The following C8A variants were observed in gnomAD, a reference collection of about 807,000 sequenced individuals.
The protein encoded by C8A is complement C8 alpha chain, also known as complement component C8 alpha chain.
Under a neutral mutation model 65.3 loss-of-function variants are expected in C8A, and 67 were observed. That is an observed-to-expected ratio of 1.03 (90% CI 0.84 to 1.26). C8A has a LOEUF of 1.26. Ranked by LOEUF, C8A falls within the 50% of genes most tolerant of loss-of-function variation. The pLI is 0.00. For synonymous variants in C8A, 290 were observed against 259.4 expected, an observed-to-expected ratio of 1.12 and a Z score of -1.13; for missense variants, 781 against 723.9, an observed-to-expected ratio of 1.08 and a Z score of -0.90.
chr1:56,862,599 ACT>A (rs1000823014), intron 1 of C8A, among the ~76,000 whole-genome samples: 6 of 152,044 alleles, frequency 3.9e-5, no homozygotes, highest in African/African-American at 1.4e-4. Context: ...ATTTTGAGAA[ACT>A]CTGCAATAGC....
chr1:56,911,070 T>TG (rs1553177916), intron 9 of C8A, among the ~76,000 whole-genome samples: 2 of 151,638 alleles, frequency 1.3e-5, no homozygotes, highest in African/African-American at 2.4e-5. Flanking sequence ...CATGGGTTTT[T>TG]TTTTTTTTTT....
intron 7 of C8A, among the ~76,000 whole-genome samples, chr1:56,897,844 C>T (rs1160184545): frequency 2.0e-5 from 3 of 152,082 alleles, no homozygotes; most frequent in Non-Finnish European, 4.4e-5. Context: ...CACTGAGCAC[C>T]CGTGATTTCT....
intron 2 of C8A, among the ~76,000 whole-genome samples, chr1:56,869,554 T>C (rs1238195725): frequency 6.6e-6 from 1 of 152,230 alleles, no homozygotes. Flanking sequence ...GATTGCTAGA[T>C]TGAATGGTAG....
chr1:56,884,744 C>G (rs867745710), intron 6 of C8A, among the ~76,000 whole-genome samples: 47 of 152,118 alleles, frequency 3.1e-4, no homozygotes, highest in South Asian at 2.1e-4. Flanking sequence ...CAAAATTCTT[C>G]CAGTGCTATC....
In C8A at chr1:56,898,275, C is replaced by G. The variant is rs1557711386; in HGVS notation, c.1097-8392C>G. ...CAGTGGCTAGAGTCAGTGTTGACCT[C>G]TCAGAAACCACAGAGAGGATGGCAA... On this transcript the variant is annotated intron_variant, in intron 7 of 10. Transcript: ENST00000361249. Among the ~76,000 whole-genome samples, 3 of 152,184 alleles carry G rather than the reference C, an allele frequency of 2.0e-5. No homozygotes were observed. The East Asian group carries it at 5.8e-4, about 30-fold the overall frequency.
intron 2 of C8A, among the ~76,000 whole-genome samples, chr1:56,874,542 G>A (rs905049515): frequency 2.0e-5 from 3 of 152,194 alleles, no homozygotes; most frequent in African/African-American, 7.2e-5. Flanking sequence ...TCTGGTGGGA[G>A]AGATGGAGAA....
chr1:56,883,777 C>A (rs1409756523), intron 6 of C8A, 96 bp downstream of exon 6: 4 of 1,075,434 alleles, frequency 3.7e-6, no homozygotes, highest in Admixed American at 2.1e-5. Context: ...AGTAATTGAA[C>A]CTTAATTTGC....
At chr1:56,910,567 A>G (rs1300794902) in intron 9 of C8A, among the ~76,000 whole-genome samples, 1 of 152,222 alleles carries the variant, frequency 6.6e-6, no homozygotes, top group Non-Finnish European at 1.5e-5. Context: ...TTTCCCTGGA[A>G]CTAACAGTCA....
intron 2 of C8A, among the ~76,000 whole-genome samples, chr1:56,870,367 G>T (rs57210737): frequency 0.15 from 23,043 of 151,894 alleles, 2,180 homozygotes; most frequent in East Asian, 0.35. Flanking sequence ...TCCAGCTTTT[G>T]GTGGCATTGA....
chr1:56,884,448 A>G (rs938226090), intron 6 of C8A, among the ~76,000 whole-genome samples: 3 of 152,202 alleles, frequency 2.0e-5, no homozygotes, highest in African/African-American at 7.2e-5. Flanking sequence ...ATTAATACCA[A>G]GACTATGGAT....
chr1:56,901,742 C>A (rs952886211), intron 7 of C8A, among the ~76,000 whole-genome samples: 7 of 152,092 alleles, frequency 4.6e-5, no homozygotes, highest in African/African-American at 7.2e-5. Flanking sequence ...CCTCATCTCC[C>A]ATTATACTCC....
At chr1:56,864,982 T>C (rs1308549049) in intron 1 of C8A, among the ~76,000 whole-genome samples, 1 of 152,168 alleles carries the variant, frequency 6.6e-6, no homozygotes, top group Non-Finnish European at 1.5e-5. Context: ...GCAGTGGCAC[T>C]AATCTCATAG....
At position 56,867,633 on chromosome 1, in the gene C8A, C is replaced by A. The variant is rs142045980; in HGVS notation, c.102C>A (p.Pro34=). 3 of 1,613,750 alleles carry A rather than the reference C, an allele frequency of 1.9e-6. No individual in the cohort carries two copies. Among genetic ancestry groups the A allele is most frequent in the Non-Finnish European group, 2.5e-6 (3 of 1,179,792 alleles). The change falls in exon 2 of 11, where the codon CCC becomes CCA. Residue 34 remains proline (P), a synonymous_variant. Coordinates refer to ENST00000361249, the MANE Select transcript of C8A (RefSeq NM_000562.3). ...GGAGAGTAAGACGGGCAGCTACACC[C>A]GCAGCAGTTACCTGCCAGCTGAGCA... ...VNQRVRRAAT[P]AAVTCQLSNW...
intron 2 of C8A, among the ~76,000 whole-genome samples, chr1:56,871,863 T>C (rs890789764): frequency 7.9e-5 from 12 of 152,170 alleles, no homozygotes; most frequent in Non-Finnish European, 1.8e-4. Context: ...GTACCTACTG[T>C]GTCTGATTTC....
At chr1:56,884,066 C>A (rs1253822680) in intron 6 of C8A, among the ~76,000 whole-genome samples, 3 of 132,924 alleles carry the variant, frequency 2.3e-5, no homozygotes, top group South Asian at 4.5e-4. Context: ...GACTGGTATG[C>A]TAAAAAAAAA....
rs12096044 is a variant in C8A at position 56,913,197 on chromosome 1, G to A, written c.1603+572G>A. Among the ~76,000 whole-genome samples, 671 of 152,184 alleles carry A rather than the reference G, an allele frequency of 4.4e-3. 3 individuals carry two copies. Among genetic ancestry groups the A allele is most frequent in the African/African-American group, 0.015 (639 of 41,490 alleles). ...AAGAACCACCAGTCACTGGGTTTGA[G>A]ACCACCCTAATCCAGCATGACCTCA... On this transcript the variant is annotated intron_variant, in intron 10 of 10. Transcript: ENST00000361249.
At chr1:56,872,293 T>C (rs1644153497) in intron 2 of C8A, among the ~76,000 whole-genome samples, 1 of 152,210 alleles carries the variant, frequency 6.6e-6, no homozygotes, top group Non-Finnish European at 1.5e-5. Flanking sequence ...TCGTCTGAGT[T>C]GGAGAGCACT....
rs530776774 is a variant in C8A at position 56,917,690 on chromosome 1, C to A, written c.1729C>A (p.Arg577=). 1.9e-6 allele frequency: 3 copies of A among 1,614,150 alleles called. No individual in the cohort carries two copies. Among genetic ancestry groups the A allele is most frequent in the Admixed American group, 1.7e-5 (1 of 60,022 alleles). ...PQNGGASCPG[R]KVQTQAC Reference sequence around the variant, plus strand: ...GAATGGAGGGGCCTCGTGTCCAGGGCGGAAAGTACAGACGCAGGCTTGCTG... The same window carrying A: ...GAATGGAGGGGCCTCGTGTCCAGGGAGGAAAGTACAGACGCAGGCTTGCTG... Residue 577 remains arginine, a synonymous_variant, in exon 11 of 11, where the codon CGG becomes AGG. Coordinates refer to ENST00000361249, the MANE Select transcript of C8A (RefSeq NM_000562.3).
Position 56,860,761 on chromosome 1 carries a change from G to A in C8A, c.77+5783G>A, listed in dbSNP as rs76468426. Reference sequence around the variant, plus strand: ...TAAATGTAGGAACATTTGCACAGATGGTGTATGAAGCCAAGGACGTGGATC... The same window carrying A: ...TAAATGTAGGAACATTTGCACAGATAGTGTATGAAGCCAAGGACGTGGATC... On this transcript the variant is annotated intron_variant, in intron 1 of 10. Coordinates refer to ENST00000361249, the MANE Select transcript of C8A (RefSeq NM_000562.3). Among the ~76,000 whole-genome samples, 1,464 of 152,268 alleles carry A rather than the reference G, an allele frequency of 9.6e-3. 28 individuals carry two copies. Among genetic ancestry groups the A allele is most frequent in the South Asian group, 0.056 (270 of 4,818 alleles).
Sources: allele counts gnomAD v4.1 joint callset (sites outside exome capture counted in the v4.1 genomes callset), GRCh38; gene constraint gnomAD v4.1.1; transcripts MANE v1.5; gene names NCBI Gene and HGNC (gene_info 2026-07-23, HGNC 2026-07-21).